Variants in TRAPPC9 observed in about 807,000 individuals in gnomAD.
TRAPPC9 encodes IKK2 binding protein.
TRAPPC9 carries 83 observed loss-of-function variants against 124.0 expected under a neutral mutation model. The observed-to-expected ratio is 0.67, with a 90% CI of 0.56 to 0.80. The LOEUF (loss-of-function observed/expected upper bound fraction) is 0.80. Among genes scored for constraint, TRAPPC9 ranks in the 30% least tolerant of loss-of-function variants. The probability of loss-of-function intolerance (pLI) is 0.00; values close to 1 mark genes in which losing one functional copy is unlikely to be tolerated. For synonymous variants in TRAPPC9, 638 were observed against 617.5 expected (o/e 1.03, Z -0.49); for missense variants, 1,302 against 1,508.3 (o/e 0.86, Z 2.27).
intron 18 of TRAPPC9, among the ~76,000 whole-genome samples, chr8:139,997,029 G>C (rs1023913002): frequency 3.9e-5 from 6 of 152,156 alleles, no homozygotes; most frequent in Admixed American, 3.3e-4. Flanking sequence ...TTACAGGCGT[G>C]AGCCATCACG....
chr8:140,104,818 T>A lies in TRAPPC9; in HGVS notation c.2557-80739A>T, dbSNP rs1030485943. Among the ~76,000 whole-genome samples the A allele has an allele frequency of 3.3e-5, 5 of 152,134 alleles. No homozygotes were observed. The highest frequency in any genetic ancestry group is 1.3e-4 in the Admixed American group (2 of 15,286). The stretch of plus-strand genomic sequence containing the variant: ...CTTGTGATTAGGACATTTCCCAGAG[T>A]TGCCTCGAACTGAAGCCTTACTTCC... On this transcript the variant is annotated intron_variant, in intron 17 of 22. Coordinates refer to ENST00000438773, the MANE Select transcript of TRAPPC9 (RefSeq NM_001160372.4). This position sits in a 1 kb window ranked among gnomAD's most constrained non-coding sequence, Gnocchi z 4.0.
intron 17 of TRAPPC9, among the ~76,000 whole-genome samples, chr8:140,125,576 C>T (rs1427172426): frequency 2.1e-5 from 3 of 140,944 alleles, no homozygotes; most frequent in Non-Finnish European, 3.0e-5. Flanking sequence ...GTTCATTTAT[C>T]GAATCTCATT....
intron 17 of TRAPPC9, among the ~76,000 whole-genome samples, chr8:140,029,568 C>T (rs1840374007): frequency 6.6e-6 from 1 of 151,848 alleles, no homozygotes; most frequent in African/African-American, 2.4e-5. Context: ...TTTCTTAATC[C>T]AGTCTATCGT....
At chr8:140,431,818 A>T (rs535687217) in intron 4 of TRAPPC9, among the ~76,000 whole-genome samples, 8 of 152,210 alleles carry the variant, frequency 5.3e-5, no homozygotes, top group Admixed American at 1.3e-4. Flanking sequence ...ACTAGCAAAC[A>T]TGCAAAACTG....
chr8:140,446,958 CT>C (rs1011192432), intron 2 of TRAPPC9, among the ~76,000 whole-genome samples: 2 of 152,202 alleles, frequency 1.3e-5, no homozygotes, highest in Non-Finnish European at 2.9e-5. Flanking sequence ...CGCAGCTCCC[CT>C]GGCCACCAGC....
At chr8:139,865,617 G>A (rs1029919539) in intron 21 of TRAPPC9, among the ~76,000 whole-genome samples, 4 of 152,192 alleles carry the variant, frequency 2.6e-5, no homozygotes, top group Non-Finnish European at 4.4e-5. Flanking sequence ...ACACGGCAGG[G>A]AAGGGAATGT....
chr8:140,376,206 A>G (rs2068432289), intron 7 of TRAPPC9, among the ~76,000 whole-genome samples: 1 of 152,180 alleles, frequency 6.6e-6, no homozygotes, highest in Non-Finnish European at 1.5e-5. Flanking sequence ...AAACTTCAAT[A>G]AGACCTGGTC....
intron 4 of TRAPPC9, among the ~76,000 whole-genome samples, chr8:140,428,330 C>T (rs773950617): frequency 2.5e-4 from 38 of 152,092 alleles, no homozygotes; most frequent in African/African-American, 8.2e-4. Flanking sequence ...ATTAATGTAA[C>T]GGGAGACACA....
intron 21 of TRAPPC9, among the ~76,000 whole-genome samples, chr8:139,796,758 T>C (rs1386452315): frequency 1.3e-5 from 2 of 152,250 alleles, no homozygotes; most frequent in Non-Finnish European, 2.9e-5. Context: ...CTCCTGGGTA[T>C]ATATCCAGAA....
At chr8:139,945,249 T>C (rs1013369501) in intron 19 of TRAPPC9, among the ~76,000 whole-genome samples, 2 of 152,276 alleles carry the variant, frequency 1.3e-5, no homozygotes, top group African/African-American at 2.4e-5. Flanking sequence ...AGTGAACGGA[T>C]TGCAAAAGGC....
chr8:139,985,501 C>T (rs1397291209), intron 19 of TRAPPC9, among the ~76,000 whole-genome samples: 2 of 152,144 alleles, frequency 1.3e-5, no homozygotes, highest in African/African-American at 2.4e-5. Flanking sequence ...CCTGAGGTGC[C>T]GCAGCATCCA....
At chr8:139,743,727 G>A (rs1049934794) in intron 21 of TRAPPC9, among the ~76,000 whole-genome samples, 3 of 152,138 alleles carry the variant, frequency 2.0e-5, no homozygotes, top group Non-Finnish European at 2.9e-5. Flanking sequence ...CACCAACACC[G>A]GGCCAGCTGT....
intron 17 of TRAPPC9, among the ~76,000 whole-genome samples, chr8:140,105,646 G>A (rs956151169): frequency 5.3e-5 from 8 of 151,992 alleles, no homozygotes; most frequent in South Asian, 4.2e-4. Context: ...TAAACACCTC[G>A]TCTCCTCCTA....
chr8:139,757,953 C>T (rs1819967225), intron 21 of TRAPPC9, among the ~76,000 whole-genome samples: 1 of 152,178 alleles, frequency 6.6e-6, no homozygotes, highest in Non-Finnish European at 1.5e-5. Flanking sequence ...GAGGATTTTT[C>T]CAGTGATTAA....
intron 7 of TRAPPC9, among the ~76,000 whole-genome samples, chr8:140,381,270 A>T (rs2068600556): frequency 6.6e-6 from 1 of 152,042 alleles, no homozygotes; most frequent in Admixed American, 6.6e-5. Flanking sequence ...ACAAAATGGG[A>T]GAGAAATTCT....
At chr8:140,368,027 C>T (rs868398056) in intron 8 of TRAPPC9, among the ~76,000 whole-genome samples, 3 of 152,180 alleles carry the variant, frequency 2.0e-5, no homozygotes, top group Non-Finnish European at 4.4e-5. Flanking sequence ...CCTTATCCAT[C>T]TTTGTGTATG....
chr8:140,252,650 C>A lies in TRAPPC9; in HGVS notation c.2431+127G>T. The A allele has an allele frequency of 9.0e-7, 1 of 1,114,306 alleles. No homozygotes were observed. Among genetic ancestry groups the A allele is most frequent in the South Asian group, 1.3e-5 (1 of 78,342 alleles). The allele number at this position is 1,114,306 out of a possible 1,614,324, so 69.0% of individuals were successfully genotyped here. On this transcript the variant is annotated intron_variant, in intron 16 of 22. Coordinates refer to ENST00000438773, the MANE Select transcript of TRAPPC9 (RefSeq NM_001160372.4). The surrounding 1 kb of genome is among the most constrained non-coding windows in gnomAD (Gnocchi z 4.2). ...TGTTAACAAAGTGCCCAGGAGATGT[C>A]TCAGGCAGCTTGAGTTAATGAATGA...
At chr8:140,426,585 C>A in intron 5 of TRAPPC9, 30 bp downstream of exon 5, 1 of 1,610,316 alleles carries the variant, frequency 6.2e-7, no homozygotes, top group Non-Finnish European at 8.5e-7. Context: ...AAAAAATAAC[C>A]AAAAGAAACT....
intron 17 of TRAPPC9, among the ~76,000 whole-genome samples, chr8:140,204,480 G>C (rs939775057): frequency 7.5e-6 from 1 of 132,910 alleles, no homozygotes; most frequent in Non-Finnish European, 1.6e-5. Flanking sequence ...TCGTTGGGTG[G>C]GGGGAGGGGG....
Sources: allele counts gnomAD v4.1 joint callset (sites outside exome capture counted in the v4.1 genomes callset), GRCh38; gene constraint gnomAD v4.1.1; non-coding constraint Gnocchi (gnomAD v3.1); transcripts MANE v1.5; gene names NCBI Gene and HGNC (gene_info 2026-07-23, HGNC 2026-07-21).